Variants in TPO observed in about 807,000 individuals in gnomAD.
TPO encodes the protein thyroid peroxidase.
TPO carries 78 observed loss-of-function variants against 96.9 expected under a neutral mutation model. That is an observed-to-expected ratio of 0.81 (90% confidence interval 0.67 to 0.97). The LOEUF is 0.97. Among genes scored for constraint, TPO ranks in the 50% least tolerant of loss-of-function variants. The probability of loss-of-function intolerance (pLI) is 0.00; values close to 1 mark genes in which losing one functional copy is unlikely to be tolerated. For missense variants in TPO, 1,252 were observed against 1,274.8 expected, an observed-to-expected ratio of 0.98 and a Z score of 0.27; for synonymous variants, 547 against 538.0, an observed-to-expected ratio of 1.02 and a Z score of -0.23.
chr2:1,393,797 A>C (rs1662040430), intron 1 of TPO, among the ~76,000 whole-genome samples: 2 of 152,244 alleles, frequency 1.3e-5, no homozygotes, highest in South Asian at 4.1e-4. Flanking sequence ...TTCCAATTAT[A>C]TATTAGAATA....
At chr2:1,410,192 T>C (rs1662312153), upstream of TPO, among the ~76,000 whole-genome samples, 1 of 152,258 alleles carries the variant, frequency 6.6e-6, no homozygotes, top group African/African-American at 2.4e-5. Flanking sequence ...CTTGATTTAA[T>C]CACCCCACAG....
chr2:1,388,291 G>C (rs574528319), intron 1 of TPO, among the ~76,000 whole-genome samples: 1 of 152,254 alleles, frequency 6.6e-6, no homozygotes, highest in East Asian at 1.9e-4. Context: ...TTGTTTGTCT[G>C]TGCCCTGCCC....
intron 5 of TPO, among the ~76,000 whole-genome samples, chr2:1,436,849 T>A (rs2148503811): frequency 6.6e-6 from 1 of 152,306 alleles, no homozygotes; most frequent in Non-Finnish European, 1.5e-5. Flanking sequence ...CCCTCACTGG[T>A]TCTCCTAATT....
intron 1 of TPO, among the ~76,000 whole-genome samples, chr2:1,378,449 G>T (rs755594373): frequency 3.9e-5 from 6 of 152,226 alleles, no homozygotes; most frequent in Non-Finnish European, 7.3e-5. Flanking sequence ...AACATTCACT[G>T]CCCCTTCAAA....
chr2:1,425,838 T>C (rs981369008), intron 3 of TPO, among the ~76,000 whole-genome samples: 1 of 151,964 alleles, frequency 6.6e-6, no homozygotes, highest in African/African-American at 2.4e-5. Context: ...TTGTTCTAGA[T>C]GCCAGGATAC....
At chr2:1,409,057 G>A (rs1367285030), upstream of TPO, among the ~76,000 whole-genome samples, 6 of 152,150 alleles carry the variant, frequency 3.9e-5, no homozygotes, top group African/African-American at 9.7e-5. Context: ...TGTCCCCAGA[G>A]TCCATGAGAG....
intron 15 of TPO, among the ~76,000 whole-genome samples, chr2:1,529,439 C>T: frequency 9.6e-6 from 1 of 103,988 alleles, no homozygotes; most frequent in Non-Finnish European, 1.8e-5. Flanking sequence ...GCAACCTTCC[C>T]AAATCCCCCC....
chr2:1,383,141 T>C (rs951742430), intron 1 of TPO, among the ~76,000 whole-genome samples: 25 of 152,058 alleles, frequency 1.6e-4, no homozygotes, highest in Non-Finnish European at 3.2e-4. Context: ...GACATTAGGG[T>C]TGGTTCCAAG....
chr2:1,466,692 A>G (rs1157194332), intron 7 of TPO, among the ~76,000 whole-genome samples: 3 of 152,164 alleles, frequency 2.0e-5, no homozygotes, highest in African/African-American at 4.8e-5. Flanking sequence ...GTAGCCATGA[A>G]TGATCTTTTG....
chr2:1,491,355 G>T (rs1437252150), intron 10 of TPO, among the ~76,000 whole-genome samples: 1 of 152,120 alleles, frequency 6.6e-6, no homozygotes, highest in Non-Finnish European at 1.5e-5. Context: ...GTTGGAAAAA[G>T]ATGCAAATGT....
intron 1 of TPO, among the ~76,000 whole-genome samples, chr2:1,400,568 C>CAAAAAAAAAAAAAAAAAAAAAAAA (rs34242408): frequency 1.4e-5 from 1 of 71,608 alleles, no homozygotes; most frequent in African/African-American, 5.5e-5. Flanking sequence ...GACTCTGTCT[C>CAAAAAAAAAAAAAAAAAAAAAAAA]AAAAAAAAAA....
intron 14 of TPO, among the ~76,000 whole-genome samples, chr2:1,511,741 C>T (rs577579898): frequency 6.6e-6 from 1 of 152,304 alleles, no homozygotes; most frequent in Admixed American, 6.5e-5. Context: ...CCACGGCCCA[C>T]AGTGACATCC....
intron 13 of TPO, among the ~76,000 whole-genome samples, chr2:1,498,352 A>G (rs1672562333): frequency 6.6e-6 from 1 of 152,188 alleles, no homozygotes; most frequent in Non-Finnish European, 1.5e-5. Context: ...CCTTCCCATT[A>G]GAAGAGGAGA....
intron 15 of TPO, among the ~76,000 whole-genome samples, chr2:1,522,210 G>T (rs4927626): frequency 9.0e-6 from 1 of 110,714 alleles, no homozygotes; most frequent in Non-Finnish European, 1.8e-5. Flanking sequence ...ACACCGGCCC[G>T]CCACCGTGCC....
At chr2:1,419,743 T>C (rs1202736374) in intron 2 of TPO, among the ~76,000 whole-genome samples, 1 of 152,200 alleles carries the variant, frequency 6.6e-6, no homozygotes. Context: ...GTTCTTTTGC[T>C]GAGGGGCTGT....
chr2:1,486,707 C>T lies in TPO; in HGVS notation c.1598-1114C>T, dbSNP rs370902607. On this transcript the variant is annotated intron_variant, in intron 9 of 16. Coordinates refer to ENST00000329066, the MANE Select transcript of TPO (RefSeq NM_001206744.2). Reference sequence around the variant, plus strand: ...TTGGAAGGGTTATTTTTAAGCTTCCCCATTTTTTCTTTATATTCCTTTCCC... The same window carrying T: ...TTGGAAGGGTTATTTTTAAGCTTCCTCATTTTTTCTTTATATTCCTTTCCC... Among the ~76,000 whole-genome samples, 7 of 152,236 alleles carry T rather than the reference C, an allele frequency of 4.6e-5. No individual in the cohort carries two copies. In the South Asian group the frequency reaches 8.3e-4, roughly 18 times the overall value.
At chr2:1,459,719 G>C (rs762422576) in intron 7 of TPO, among the ~76,000 whole-genome samples, 9 of 152,144 alleles carry the variant, frequency 5.9e-5, no homozygotes, top group Non-Finnish European at 1.3e-4. Flanking sequence ...ATAATATTGG[G>C]GGAAAGGTGG....
chr2:1,480,598 A>ACACACC (rs1670462357), intron 8 of TPO, among the ~76,000 whole-genome samples: 1 of 138,716 alleles, frequency 7.2e-6, no homozygotes, highest in Non-Finnish European at 1.6e-5. Flanking sequence ...ACACACACAC[A>ACACACC]CACACACGAG....
At chr2:1,520,783 C>A (rs1020662265) in intron 15 of TPO, among the ~76,000 whole-genome samples, 22 of 152,330 alleles carry the variant, frequency 1.4e-4, no homozygotes, top group African/African-American at 4.8e-4. Flanking sequence ...CAAATCAGTT[C>A]TTTGGTCCAT....
Sources: gnomAD v4.1 joint callset for allele counts (sites outside exome capture counted in the v4.1 genomes callset) on GRCh38, gnomAD v4.1.1 for gene constraint, MANE v1.5 for transcripts, NCBI Gene and HGNC (gene_info 2026-07-23, HGNC 2026-07-21) for gene names.